Variants in NCKAP5 observed in about 807,000 individuals in gnomAD.
NCKAP5 encodes nck-associated protein 5.
NCKAP5 carries 92 observed loss-of-function variants against 167.0 expected under a neutral mutation model. The observed-to-expected ratio is 0.55, with a 90% CI of 0.47 to 0.66. The LOEUF (loss-of-function observed/expected upper bound fraction) is 0.66. Ranked by LOEUF, NCKAP5 falls within the 30% of genes least tolerant of loss-of-function variation. NCKAP5 has a pLI of 0.00. For synonymous variants in NCKAP5, 891 were observed against 877.4 expected, an observed-to-expected ratio of 1.02 and a Z score of -0.27; for missense variants, 2,378 against 2,315.0, an observed-to-expected ratio of 1.03 and a Z score of -0.56.
chr2:133,370,468 T>C (rs1685730650), intron 3 of NCKAP5, among the ~76,000 whole-genome samples: 1 of 152,170 alleles, frequency 6.6e-6, no homozygotes, highest in Non-Finnish European at 1.5e-5. Context: ...GAGGTGCCTC[T>C]AAATATAAAG....
At chr2:133,137,542 C>T (rs1034142824) in intron 5 of NCKAP5, among the ~76,000 whole-genome samples, 1 of 151,440 alleles carries the variant, frequency 6.6e-6, no homozygotes, top group Non-Finnish European at 1.5e-5. Context: ...GCAAGTAAGA[C>T]AGATGGGCAC....
intron 19 of NCKAP5, among the ~76,000 whole-genome samples, chr2:132,724,153 C>T (rs756815612): frequency 4.6e-5 from 7 of 152,148 alleles, no homozygotes; most frequent in African/African-American, 1.4e-4. Context: ...GCTCAAAAGT[C>T]GCTTTCTTGG....
At chr2:133,034,606 T>A (rs1035283257) in intron 6 of NCKAP5, among the ~76,000 whole-genome samples, 6 of 151,940 alleles carry the variant, frequency 3.9e-5, no homozygotes, top group African/African-American at 1.4e-4. Context: ...AACAAAAAAA[T>A]TAAAAATGGG....
intron 4 of NCKAP5, among the ~76,000 whole-genome samples, chr2:133,298,210 A>G (rs1680101095): frequency 6.6e-6 from 1 of 152,192 alleles, no homozygotes; most frequent in African/African-American, 2.4e-5. Flanking sequence ...AAGTAATTTC[A>G]TGATTCAATA....
At chr2:133,382,360 C>G in intron 3 of NCKAP5, among the ~76,000 whole-genome samples, 1 of 152,220 alleles carries the variant, frequency 6.6e-6, no homozygotes, top group East Asian at 1.9e-4. Context: ...GTTCACCACA[C>G]AGTACCTAGA....
intron 11 of NCKAP5, among the ~76,000 whole-genome samples, chr2:132,816,119 G>A (rs1245188555): frequency 3.3e-5 from 5 of 152,006 alleles, no homozygotes; most frequent in East Asian, 3.9e-4. Context: ...GGGGCTTACC[G>A]GAAATTTCAA....
chr2:132,899,554 T>TTAA (rs778132891), intron 8 of NCKAP5, among the ~76,000 whole-genome samples: 1 of 152,262 alleles, frequency 6.6e-6, no homozygotes, highest in Non-Finnish European at 1.5e-5. Flanking sequence ...CTCACTAAGC[T>TTAA]TAATCATTTC....
chr2:133,601,161 A>G, the NCKAP5 span, among the ~76,000 whole-genome samples: 1 of 152,202 alleles, frequency 6.6e-6, no homozygotes, highest in Non-Finnish European at 1.5e-5. Flanking sequence ...CATGCAGGCT[A>G]AACGACCTGA....
intron 8 of NCKAP5, among the ~76,000 whole-genome samples, chr2:132,934,927 G>A (rs572111539): frequency 4.7e-4 from 71 of 152,286 alleles, no homozygotes; most frequent in Non-Finnish European, 8.2e-4. Flanking sequence ...CCTCTTCACA[G>A]GTAGCTGCCC....
intron 16 of NCKAP5, among the ~76,000 whole-genome samples, chr2:132,760,609 T>C (rs566157502): frequency 2.0e-5 from 3 of 151,348 alleles, no homozygotes; most frequent in African/African-American, 4.8e-5. Flanking sequence ...AGTCATTTTT[T>C]CCCCCTCATG....
In NCKAP5 at chr2:133,531,506, A is replaced by AT. The variant is rs1367815581; in HGVS notation, c.-61-13920dup. On this transcript the variant is annotated intron_variant, in intron 2 of 19. Transcript: ENST00000409261. ...ACTCTTTCTGGTTCTAAATGTGCTT[A>AT]TTTTTTTCTACTGGATTTTTTTACA... 5.3e-5 allele frequency among the ~76,000 whole-genome samples: 8 copies of AT among 151,888 alleles called. No individual in the cohort carries two copies. The East Asian group carries it at 1.6e-3, about 29-fold the overall frequency.
intron 5 of NCKAP5, among the ~76,000 whole-genome samples, chr2:133,158,273 G>T (rs1056567678): frequency 3.7e-4 from 56 of 152,284 alleles, no homozygotes; most frequent in African/African-American, 1.3e-3. Flanking sequence ...GCAGAAACAG[G>T]TAATGTGGGC....
chr2:133,208,463 A>T (rs1302186665), intron 5 of NCKAP5, among the ~76,000 whole-genome samples: 1 of 152,256 alleles, frequency 6.6e-6, no homozygotes, highest in African/African-American at 2.4e-5. Context: ...TCAGAAAAAC[A>T]TCAGACAAAT....
chr2:133,281,434 CAA>C (rs2089931724), intron 4 of NCKAP5, among the ~76,000 whole-genome samples: 1 of 151,976 alleles, frequency 6.6e-6, no homozygotes, highest in African/African-American at 2.4e-5. Context: ...CTTAAAATTA[CAA>C]AGTCACTATT....
chr2:132,844,507 T>C (rs147741900), intron 11 of NCKAP5, among the ~76,000 whole-genome samples: 351 of 152,112 alleles, frequency 2.3e-3, no homozygotes, highest in Admixed American at 4.7e-3. Flanking sequence ...ATTGTTTTGC[T>C]TTTCTGTGTG....
intron 7 of NCKAP5, among the ~76,000 whole-genome samples, chr2:132,989,710 C>A (rs1050831388): frequency 2.0e-5 from 3 of 152,104 alleles, no homozygotes; most frequent in Non-Finnish European, 2.9e-5. Flanking sequence ...TTAGACTGTG[C>A]CTACTTTCCA....
At chr2:133,199,638 G>C (rs1159119255) in intron 5 of NCKAP5, among the ~76,000 whole-genome samples, 1 of 151,938 alleles carries the variant, frequency 6.6e-6, no homozygotes, top group African/African-American at 2.4e-5. Flanking sequence ...AAATGGAACA[G>C]CTACTTTGAG....
At chr2:132,865,488 T>C (rs1690268570) in intron 10 of NCKAP5, among the ~76,000 whole-genome samples, 1 of 152,172 alleles carries the variant, frequency 6.6e-6, no homozygotes, top group Admixed American at 6.5e-5. Flanking sequence ...CCCAAATATA[T>C]AGAGTCAGTT....
intron 1 of NCKAP5, among the ~76,000 whole-genome samples, chr2:133,565,749 C>T: frequency 6.6e-6 from 1 of 152,210 alleles, no homozygotes; most frequent in East Asian, 1.9e-4. Flanking sequence ...CCTTCAACCA[C>T]AGTGAAGAAG....
Sources: gnomAD v4.1 joint callset for allele counts (sites outside exome capture counted in the v4.1 genomes callset) on GRCh38, gnomAD v4.1.1 for gene constraint, MANE v1.5 for transcripts, NCBI Gene and HGNC (gene_info 2026-07-23, HGNC 2026-07-21) for gene names.